Variants in CATSPERT observed in about 807,000 individuals in gnomAD.
The protein encoded by CATSPERT is cation channel sperm-associated targeting subunit tau.
the CATSPERT span, among the ~76,000 whole-genome samples, chr2:201,556,312 AT>A: frequency 6.6e-6 from 1 of 151,908 alleles, no homozygotes; most frequent in East Asian, 1.9e-4. Flanking sequence ...GATCGAGACC[AT>A]CCTGGCTAAC....
the CATSPERT span, among the ~76,000 whole-genome samples, chr2:201,591,981 T>G: frequency 6.6e-6 from 1 of 152,142 alleles, no homozygotes; most frequent in Non-Finnish European, 1.5e-5. Flanking sequence ...CTTTATTTCC[T>G]TCTCCTGACT....
chr2:201,595,313 C>A, the CATSPERT span, among the ~76,000 whole-genome samples: 1 of 151,588 alleles, frequency 6.6e-6, no homozygotes, highest in East Asian at 1.9e-4. Context: ...CTCAGCCTCC[C>A]GAGTAGCTGG....
At chr2:201,609,280 C>G in the CATSPERT span, among the ~76,000 whole-genome samples, 1 of 152,250 alleles carries the variant, frequency 6.6e-6, no homozygotes, top group Non-Finnish European at 1.5e-5. Flanking sequence ...TTAGACAGAT[C>G]ATCTAGACAG....
the CATSPERT span, among the ~76,000 whole-genome samples, chr2:201,538,049 A>G: frequency 6.6e-6 from 1 of 151,938 alleles, no homozygotes; most frequent in Non-Finnish European, 1.5e-5. Flanking sequence ...TTCACATGAG[A>G]CCTATCCTCT....
the CATSPERT span, among the ~76,000 whole-genome samples, chr2:201,556,345 T>C: frequency 3.3e-5 from 5 of 151,698 alleles, no homozygotes; most frequent in Admixed American, 3.3e-4. Flanking sequence ...CCGTCTCTAC[T>C]AAGAACACAA....
chr2:201,488,518 ACTGG>A, the CATSPERT span, among the ~76,000 whole-genome samples: 1 of 152,260 alleles, frequency 6.6e-6, no homozygotes, highest in East Asian at 1.9e-4. Flanking sequence ...TGGTAAAATA[ACTGG>A]AAGGATATAT....
At chr2:201,490,907 T>G in the CATSPERT span, among the ~76,000 whole-genome samples, 1 of 152,090 alleles carries the variant, frequency 6.6e-6, no homozygotes, top group African/African-American at 2.4e-5. Context: ...GTATTTTTAG[T>G]AGAAACGGGG....
chr2:201,547,624 T>G, the CATSPERT span: 502 of 1,395,240 alleles, frequency 3.6e-4, 4 homozygotes, highest in African/African-American at 6.5e-3. Context: ...AAGAAAGAAA[T>G]AAGTTATGAA....
chr2:201,604,724 G>T, the CATSPERT span: 1 of 1,508,186 alleles, frequency 6.6e-7, no homozygotes, highest in Non-Finnish European at 9.0e-7. Context: ...TTAAGATTTG[G>T]GAAGAGAAAG....
chr2:201,563,423 CCCTCACCTCCCT>C, the CATSPERT span, among the ~76,000 whole-genome samples: 1 of 67,088 alleles, frequency 1.5e-5, no homozygotes, highest in Admixed American at 1.8e-4. Flanking sequence ...GGGGCTGACC[CCCTCACCTCCCT>C]CCCGGACGGG....
the CATSPERT span, among the ~76,000 whole-genome samples, chr2:201,552,336 G>A: frequency 5.3e-5 from 8 of 152,154 alleles, no homozygotes; most frequent in Admixed American, 1.3e-4. Context: ...GGACCTGTAC[G>A]AAGTGCCACT....
the CATSPERT span, chr2:201,536,392 A>G: frequency 1.3e-5 from 20 of 1,487,896 alleles, no homozygotes; most frequent in Non-Finnish European, 1.8e-5. Context: ...AATTAAGAAA[A>G]TGACTCAAAA....
the CATSPERT span, among the ~76,000 whole-genome samples, chr2:201,510,827 C>G: frequency 6.6e-6 from 1 of 151,922 alleles, no homozygotes; most frequent in Admixed American, 6.6e-5. Flanking sequence ...AGATATAAAC[C>G]AACAGCCAAA....
At chr2:201,526,573 C>A in the CATSPERT span, among the ~76,000 whole-genome samples, 40 of 152,236 alleles carry the variant, frequency 2.6e-4, no homozygotes, top group African/African-American at 8.9e-4. Flanking sequence ...GCTAATCTAC[C>A]ATGATCAAGT....
At chr2:201,595,130 T>A in the CATSPERT span, among the ~76,000 whole-genome samples, 1 of 152,088 alleles carries the variant, frequency 6.6e-6, no homozygotes, top group Non-Finnish European at 1.5e-5. Context: ...CGGCCTTTGA[T>A]GATGGTGATG....
At chr2:201,491,317 C>A in the CATSPERT span, 1 of 1,537,754 alleles carries the variant, frequency 6.5e-7, no homozygotes, top group Non-Finnish European at 8.7e-7. Context: ...TCTTTCTTTT[C>A]GGACCTTGGG....
At chr2:201,607,331 A>G in the CATSPERT span, among the ~76,000 whole-genome samples, 1 of 152,206 alleles carries the variant, frequency 6.6e-6, no homozygotes, top group Non-Finnish European at 1.5e-5. Context: ...AACCTATTTT[A>G]TGGGGCTCTT....
At chr2:201,596,724 T>A in the CATSPERT span, among the ~76,000 whole-genome samples, 1 of 152,226 alleles carries the variant, frequency 6.6e-6, no homozygotes, top group Admixed American at 6.5e-5. Context: ...GTCTTTCAGT[T>A]CACAGATCCT....
chr2:201,615,167 G>A, the CATSPERT span, among the ~76,000 whole-genome samples: 2 of 152,040 alleles, frequency 1.3e-5, no homozygotes, highest in South Asian at 4.2e-4. Context: ...AGTTAACAAG[G>A]ATATCCAGGA....
Sources: gnomAD v4.1 joint callset for allele counts (sites outside exome capture counted in the v4.1 genomes callset) on GRCh38, gnomAD v4.1.1 for gene constraint, MANE v1.5 for transcripts, NCBI Gene and HGNC (gene_info 2026-07-23, HGNC 2026-07-21) for gene names.